COL5A2: variants seen among roughly 807,000 people sequenced by gnomAD.
COL5A2 encodes collagen alpha-2(V) chain.
In COL5A2, 23 loss-of-function variants were observed where a neutral mutation model predicts 208.2. The observed-to-expected ratio is 0.11, with a 90% CI of 0.08 to 0.16. The LOEUF is 0.16. COL5A2 is among the 10% of genes least tolerant of loss of function. The pLI is 1.00. For synonymous variants in COL5A2, 625 were observed against 628.5 expected (o/e 0.99, Z 0.08); for missense variants, 1,590 against 1,956.4 (o/e 0.81, Z 3.53).
chr2:189,048,179 A>G, intron 45 of COL5A2, 30 bp downstream of exon 45: 1 of 1,604,764 alleles, frequency 6.2e-7, no homozygotes, highest in African/African-American at 1.3e-5. Flanking sequence ...GCATGACTTT[A>G]GATTTTATAA....
intron 18 of COL5A2, among the ~76,000 whole-genome samples, chr2:189,070,134 T>TC (rs1242664363): frequency 1.3e-5 from 2 of 152,194 alleles, no homozygotes; most frequent in African/African-American, 4.8e-5. Context: ...CATAAGTTTT[T>TC]CCCATGCAAT....
chr2:189,061,744 G>C (rs1452263200), intron 29 of COL5A2, 129 bp from the exon 30 acceptor site: 2 of 746,156 alleles, frequency 2.7e-6, no homozygotes, highest in African/African-American at 3.5e-5. Flanking sequence ...TCTTTAGCCA[G>C]GTAATAAACT....
intron 12 of COL5A2, among the ~76,000 whole-genome samples, chr2:189,082,932 G>T (rs767267593): frequency 1.3e-5 from 2 of 152,164 alleles, no homozygotes; most frequent in Non-Finnish European, 2.9e-5. Context: ...AGGGAGTTGG[G>T]AAATTGGTTT....
chr2:189,098,815 G>A (rs2105687037), intron 4 of COL5A2, 56 bp from the exon 5 acceptor site: 2 of 1,284,496 alleles, frequency 1.6e-6, no homozygotes, highest in Non-Finnish European at 1.1e-6. Flanking sequence ...TATTCAGAGA[G>A]GTCAATAGTA....
At chr2:189,120,849 T>C (rs1015939676) in intron 1 of COL5A2, among the ~76,000 whole-genome samples, 5 of 152,222 alleles carry the variant, frequency 3.3e-5, no homozygotes, top group African/African-American at 1.2e-4. Context: ...TAAGAATGTG[T>C]TTAAATCATA....
At chr2:189,337,040 G>A in the COL5A2 span, among the ~76,000 whole-genome samples, 1 of 152,076 alleles carries the variant, frequency 6.6e-6, no homozygotes, top group Admixed American at 6.5e-5. Flanking sequence ...ATGTTTGTAA[G>A]ATATGCCTTT....
rs1559082983 is a variant in COL5A2, at chr2:189,057,876, AG to A, written c.2230-450del. Among the ~76,000 whole-genome samples, 4 of 152,310 alleles carry A rather than the reference AG, an allele frequency of 2.6e-5. No individual in the cohort carries two copies. In the South Asian group the frequency reaches 6.2e-4, roughly 24 times the overall value. On this transcript the variant is annotated intron_variant, in intron 33 of 53. Transcript: ENST00000374866. ...ATCACTCTAAACCCTGAAAATAATA[AG>A]GGGTCTCATGTCACATGACCATGAA...
At chr2:189,158,986 G>A (rs993364962) in intron 1 of COL5A2, among the ~76,000 whole-genome samples, 30 of 152,224 alleles carry the variant, frequency 2.0e-4, no homozygotes, top group African/African-American at 7.0e-4. Flanking sequence ...GTGCACCGAA[G>A]TCACACAAAT....
the COL5A2 span, among the ~76,000 whole-genome samples, chr2:189,339,732 C>G: frequency 6.6e-6 from 1 of 152,156 alleles, no homozygotes; most frequent in Non-Finnish European, 1.5e-5. Flanking sequence ...CAGCAGGAAG[C>G]AGGTGGTCAG....
intron 1 of COL5A2, among the ~76,000 whole-genome samples, chr2:189,196,885 G>A (rs1689007916): frequency 6.6e-6 from 1 of 152,120 alleles, no homozygotes; most frequent in Non-Finnish European, 1.5e-5. Flanking sequence ...GAAAGACAGT[G>A]TGGCGATTCC....
the COL5A2 span, among the ~76,000 whole-genome samples, chr2:189,403,319 T>G: frequency 5.3e-5 from 8 of 152,208 alleles, no homozygotes; most frequent in African/African-American, 1.9e-4. Context: ...GGTTGAGACG[T>G]GGGCTTTTCT....
chr2:189,174,872 A>C (rs1213686470), intron 1 of COL5A2, among the ~76,000 whole-genome samples: 1 of 152,252 alleles, frequency 6.6e-6, no homozygotes, highest in Non-Finnish European at 1.5e-5. Context: ...CTAAAGCTTC[A>C]GTTTAGTTTG....
At chr2:189,046,008 TACCC>T in intron 45 of COL5A2, 101 bp from the exon 46 acceptor site, 1 of 952,182 alleles carries the variant, frequency 1.1e-6, no homozygotes, top group Non-Finnish European at 1.6e-6. Context: ...TGGGAAAAAA[TACCC>T]TTTAAAACTT....
At chr2:189,249,950 G>A in the COL5A2 span, among the ~76,000 whole-genome samples, 3 of 152,150 alleles carry the variant, frequency 2.0e-5, no homozygotes, top group Non-Finnish European at 4.4e-5. Context: ...CCCCGGCCTC[G>A]GCATCTCAAA....
At position 189,165,133 on chromosome 2, in the gene COL5A2, A is replaced by C. The variant is rs1222607641; in HGVS notation, c.97+14375T>G. ...TGCAAACAATTGCCAAAAACTTTAT[A>C]TTAGAAAGAAAGAATTAAATTAAAT... is the stretch of plus-strand genomic sequence containing the variant. On this transcript the variant is annotated intron_variant, in intron 1 of 53. Coordinates refer to ENST00000374866, the MANE Select transcript of COL5A2 (RefSeq NM_000393.5). 2.0e-5 allele frequency among the ~76,000 whole-genome samples: 3 copies of C among 152,224 alleles called. No individual in the cohort carries two copies. The East Asian group carries it at 5.8e-4, about 29-fold the overall frequency.
intron 1 of COL5A2, among the ~76,000 whole-genome samples, chr2:189,218,588 C>A (rs1689307620): frequency 6.6e-6 from 1 of 152,250 alleles, no homozygotes; most frequent in Non-Finnish European, 1.5e-5. Context: ...AAGAAACACC[C>A]AGCACCCAGG....
the COL5A2 span, among the ~76,000 whole-genome samples, chr2:189,409,462 C>A: frequency 2.0e-5 from 3 of 151,900 alleles, no homozygotes; most frequent in African/African-American, 7.2e-5. Context: ...CTATAGTATT[C>A]TGTAAGGAAT....
chr2:189,067,189 A>G (rs183481562), intron 21 of COL5A2, among the ~76,000 whole-genome samples: 1 of 152,300 alleles, frequency 6.6e-6, no homozygotes, highest in African/African-American at 2.4e-5. Flanking sequence ...AAATAATTTT[A>G]TATTTATGCC....
chr2:189,355,322 T>C, the COL5A2 span, among the ~76,000 whole-genome samples: 1 of 152,150 alleles, frequency 6.6e-6, no homozygotes, highest in African/African-American at 2.4e-5. Flanking sequence ...TGAGTTCAAG[T>C]CCTGAATATC....
Sources: allele counts gnomAD v4.1 joint callset (sites outside exome capture counted in the v4.1 genomes callset), GRCh38; gene constraint gnomAD v4.1.1; transcripts MANE v1.5; gene names NCBI Gene and HGNC (gene_info 2026-07-23, HGNC 2026-07-21).